Variants in LHPP observed in about 807,000 individuals in gnomAD.
The protein encoded by LHPP is hLHPP.
A neutral mutation model predicts 30.3 loss-of-function variants in LHPP; 24 were observed. The observed-to-expected ratio is 0.79, with a 90% CI of 0.57 to 1.11. The LOEUF (loss-of-function observed/expected upper bound fraction) is 1.11. LHPP is among the 50% of genes most tolerant of loss of function. The probability of loss-of-function intolerance (pLI) is 0.00; values close to 1 mark genes in which losing one functional copy is unlikely to be tolerated. For synonymous variants in LHPP, 150 were observed against 157.1 expected, an observed-to-expected ratio of 0.95 and a Z score of 0.34; for missense variants, 356 against 367.2, an observed-to-expected ratio of 0.97 and a Z score of 0.25.
intron 6 of LHPP, among the ~76,000 whole-genome samples, chr10:124,581,961 T>C (rs1948748419): frequency 6.6e-6 from 1 of 152,052 alleles, no homozygotes; most frequent in African/African-American, 2.4e-5. Context: ...TTTTGTATTT[T>C]TTAGTAGAGA....
At chr10:124,605,901 G>A (rs1589714903) in intron 6 of LHPP, among the ~76,000 whole-genome samples, 1 of 152,082 alleles carries the variant, frequency 6.6e-6, no homozygotes, top group Admixed American at 6.5e-5. Flanking sequence ...TGCCTTCAAG[G>A]GGCCCGGGTC....
chr10:124,511,528 A>T (rs566972423), intron 5 of LHPP, among the ~76,000 whole-genome samples: 3 of 152,186 alleles, frequency 2.0e-5, no homozygotes, highest in Non-Finnish European at 2.9e-5. Context: ...AACTGGCAGA[A>T]TTCTCAACAT....
chr10:124,526,038 C>G (rs772014563), intron 6 of LHPP: 1 of 306,064 alleles, frequency 3.3e-6, no homozygotes, highest in African/African-American at 2.3e-5. Flanking sequence ...AGCCTCCCAA[C>G]CCCAGGAATT....
intron 6 of LHPP, among the ~76,000 whole-genome samples, chr10:124,522,873 G>A (rs981527456): frequency 3.3e-5 from 5 of 152,098 alleles, no homozygotes; most frequent in Non-Finnish European, 7.4e-5. Flanking sequence ...CAGTTCCAAG[G>A]TGCCCTCTCT....
At chr10:124,472,651 C>T (rs1269603217) in intron 1 of LHPP, among the ~76,000 whole-genome samples, 8 of 152,078 alleles carry the variant, frequency 5.3e-5, no homozygotes, top group African/African-American at 1.4e-4. Context: ...CTTGGCCTCC[C>T]GGGTTCAAGC....
At chr10:124,572,669 GAAAA>G (rs1248183626) in intron 6 of LHPP, among the ~76,000 whole-genome samples, 2 of 124,720 alleles carry the variant, frequency 1.6e-5, no homozygotes, top group Admixed American at 9.7e-5. Flanking sequence ...GGAAAGAAAA[GAAAA>G]AAAAGAAGGA....
At position 124,498,365 on chromosome 10, in the gene LHPP, C is replaced by T. The variant is rs370216336; in HGVS notation, c.624+237C>T. 1.9e-5 allele frequency: 30 copies of T among 1,561,184 alleles called. 1 individual carries two copies. Among genetic ancestry groups the T allele is most frequent in the South Asian group, 2.4e-5 (2 of 84,980 alleles). On this transcript the variant is annotated intron_variant, in intron 5 of 6. Transcript: ENST00000368842. ...TGAAAGCAAGAAGCAGAAATGCCTG[C>T]GGCTTTTCCTGAGTTTTTGCTGCTT...
At chr10:124,546,888 A>G (rs1465836675) in intron 6 of LHPP, among the ~76,000 whole-genome samples, 2 of 152,164 alleles carry the variant, frequency 1.3e-5, no homozygotes, top group African/African-American at 4.8e-5. Flanking sequence ...TCGGTATTCT[A>G]CATTTTCAGG....
At chr10:124,494,451 T>G (rs1456343996) in intron 3 of LHPP, among the ~76,000 whole-genome samples, 3 of 152,132 alleles carry the variant, frequency 2.0e-5, no homozygotes, top group African/African-American at 2.4e-5. Flanking sequence ...ATTTCCTGTG[T>G]GGGGTATATT....
At chr10:124,603,016 G>A (rs913812088) in intron 6 of LHPP, among the ~76,000 whole-genome samples, 2 of 151,926 alleles carry the variant, frequency 1.3e-5, no homozygotes, top group Admixed American at 6.5e-5. Context: ...GGGCAGGGTG[G>A]GGTGTGGCCA....
intron 6 of LHPP, among the ~76,000 whole-genome samples, chr10:124,552,948 C>T (rs778890786): frequency 1.1e-4 from 16 of 152,206 alleles, no homozygotes; most frequent in African/African-American, 3.6e-4. Flanking sequence ...TTAAGGCAAC[C>T]GTAATTAACA....
chr10:124,495,967 T>G (rs970346093), intron 3 of LHPP, among the ~76,000 whole-genome samples: 1 of 152,328 alleles, frequency 6.6e-6, no homozygotes, highest in Non-Finnish European at 1.5e-5. Flanking sequence ...CAGTGAGATC[T>G]GAATGCTCAA....
chr10:124,514,974 T>A (rs11245250), intron 5 of LHPP, among the ~76,000 whole-genome samples: 11 of 152,056 alleles, frequency 7.2e-5, no homozygotes, highest in African/African-American at 2.7e-4. Flanking sequence ...GCTAATTTTT[T>A]AAATTTTTAT....
intron 5 of LHPP, among the ~76,000 whole-genome samples, chr10:124,507,905 A>G (rs1047179008): frequency 6.9e-4 from 63 of 91,138 alleles, no homozygotes; most frequent in Non-Finnish European, 1.1e-3. Flanking sequence ...GGGGGGGTAG[A>G]CAGGATTTCA....
At chr10:124,497,944 T>C (rs959782714) in intron 4 of LHPP, 92 bp from the exon 5 acceptor site, 21 of 1,019,016 alleles carry the variant, frequency 2.1e-5, no homozygotes, top group Admixed American at 3.6e-5. Context: ...CCCTTGACTC[T>C]TGGGGGCACA....
intron 2 of LHPP, among the ~76,000 whole-genome samples, chr10:124,487,663 C>T (rs374144016): frequency 2.3e-4 from 35 of 151,968 alleles, no homozygotes; most frequent in African/African-American, 6.3e-4. Context: ...AGGCTGGTCT[C>T]GAACTCCTGA....
At chr10:124,488,378 C>A in intron 2 of LHPP, 44 bp from the exon 3 acceptor site, 1 of 1,599,672 alleles carries the variant, frequency 6.3e-7, no homozygotes. Context: ...TAGGCCATGT[C>A]CTCCCAGGGC....
At chr10:124,594,351 AG>A (rs1948917016) in intron 6 of LHPP, among the ~76,000 whole-genome samples, 1 of 149,936 alleles carries the variant, frequency 6.7e-6, no homozygotes, top group Non-Finnish European at 1.5e-5. Flanking sequence ...AAAAAAAAAA[AG>A]ACAGCATCAC....
intron 6 of LHPP, among the ~76,000 whole-genome samples, chr10:124,539,946 T>C (rs1955140478): frequency 6.6e-6 from 1 of 152,072 alleles, no homozygotes; most frequent in African/African-American, 2.4e-5. Flanking sequence ...CACCTACGGC[T>C]GGGGAGACCA....
Sources: gnomAD v4.1 joint callset for allele counts (sites outside exome capture counted in the v4.1 genomes callset) on GRCh38, gnomAD v4.1.1 for gene constraint, MANE v1.5 for transcripts, NCBI Gene and HGNC (gene_info 2026-07-23, HGNC 2026-07-21) for gene names.